ANGPT2: variants seen among roughly 807,000 people sequenced by gnomAD.
ANGPT2 encodes angiopoietin-2.
ANGPT2 carries 28 observed loss-of-function variants against 62.9 expected under a neutral mutation model. The ratio of observed to expected loss-of-function variants is 0.44; its 90% confidence interval spans 0.33 to 0.61. The LOEUF (loss-of-function observed/expected upper bound fraction) is 0.61. Among genes scored for constraint, ANGPT2 ranks in the 20% least tolerant of loss-of-function variants. The pLI, the probability that ANGPT2 is intolerant of heterozygous loss-of-function variation, is 0.03. For missense variants in ANGPT2, 727 were observed against 594.9 expected (o/e 1.22, Z -2.31); for synonymous variants, 284 against 207.8 (o/e 1.37, Z -3.15).
chr8:6,558,904 C>T (rs79166777), intron 1 of ANGPT2, among the ~76,000 whole-genome samples: 4,592 of 151,972 alleles, frequency 0.03, 168 homozygotes, highest in African/African-American at 0.087. Context: ...ATATACATAT[C>T]GCATAAGAGA....
intron 2 of ANGPT2, among the ~76,000 whole-genome samples, chr8:6,528,652 C>T (rs545658131): frequency 3.9e-5 from 6 of 152,374 alleles, no homozygotes; most frequent in East Asian, 1.9e-4. Flanking sequence ...GATTCTCTAG[C>T]GCCTGGTTGC....
intron 2 of ANGPT2, among the ~76,000 whole-genome samples, chr8:6,530,236 G>T (rs562912569): frequency 6.6e-6 from 1 of 152,098 alleles, no homozygotes; most frequent in African/African-American, 2.4e-5. Flanking sequence ...GGCCAGGTAC[G>T]GTGGCTCACG....
intron 1 of ANGPT2, among the ~76,000 whole-genome samples, chr8:6,556,670 A>G (rs1824666933): frequency 6.6e-6 from 1 of 151,784 alleles, no homozygotes; most frequent in African/African-American, 2.4e-5. Context: ...CTGGAGCGCA[A>G]TGGCACCATC....
At chr8:6,511,514 T>A (rs2922906) in intron 7 of ANGPT2, among the ~76,000 whole-genome samples, 54,813 of 152,030 alleles carry the variant, frequency 0.36, 10,106 homozygotes, top group Middle Eastern at 0.48. Flanking sequence ...TAACATGTAT[T>A]TTCCAGTTTT....
intron 1 of ANGPT2, among the ~76,000 whole-genome samples, chr8:6,548,129 A>C (rs1474041196): frequency 6.6e-6 from 1 of 152,164 alleles, no homozygotes; most frequent in African/African-American, 2.4e-5. Flanking sequence ...TTTGGGATTC[A>C]AATTATGAGT....
chr8:6,514,415 C>T (rs1052156004), intron 6 of ANGPT2, among the ~76,000 whole-genome samples: 31 of 152,136 alleles, frequency 2.0e-4, no homozygotes, highest in African/African-American at 7.0e-4. Flanking sequence ...TCTCAAACTC[C>T]TGACCTCAGG....
At chr8:6,509,338 C>T (rs920147438) in intron 7 of ANGPT2, among the ~76,000 whole-genome samples, 1 of 152,204 alleles carries the variant, frequency 6.6e-6, no homozygotes, top group African/African-American at 2.4e-5. Flanking sequence ...ATTTATTTTC[C>T]TGCTGCTTTC....
intron 1 of ANGPT2, among the ~76,000 whole-genome samples, chr8:6,557,476 T>C (rs1824824516): frequency 6.6e-6 from 1 of 152,136 alleles, no homozygotes; most frequent in African/African-American, 2.4e-5. Flanking sequence ...TATATCAGAA[T>C]AATTCTAGAA....
At chr8:6,512,630 A>G (rs976707658) in intron 7 of ANGPT2, among the ~76,000 whole-genome samples, 5 of 152,106 alleles carry the variant, frequency 3.3e-5, no homozygotes, top group Admixed American at 2.0e-4. Flanking sequence ...GAGTGCCTCT[A>G]TGTGCCTTGT....
chr8:6,562,909 A>G lies in ANGPT2; in HGVS notation c.26T>C (p.Leu9Pro). Residue 9 changes from leucine to proline, a missense_variant, in exon 1 of 9, where the codon CTG (leucine) becomes CCG (proline). Coordinates refer to ENST00000629816, the MANE Select transcript of ANGPT2 (RefSeq NM_001118887.2). Reference protein sequence around the residue: MWQIVFFTLSCDLVLAAAY... With the variant: MWQIVFFTPSCDLVLAAAY... ...TGCGGCCAAGACAAGATCACAGCTC[A>G]GAGTAAAGAAAACAATCTGCCACAT... 6.3e-7 allele frequency: 1 copy of G among 1,595,660 alleles called. No homozygotes were observed. Among genetic ancestry groups the G allele is most frequent in the South Asian group, 1.1e-5 (1 of 90,324 alleles).
chr8:6,532,559 T>C, intron 1 of ANGPT2, 72 bp from the exon 2 acceptor site: 1 of 1,004,278 alleles, frequency 1.0e-6, no homozygotes, highest in Non-Finnish European at 1.4e-6. Context: ...ATGTTTGTCG[T>C]CTCCTCCCTA....
chr8:6,519,703 TG>T (rs770719979), intron 5 of ANGPT2, among the ~76,000 whole-genome samples, 160 bp downstream of exon 5: 2 of 152,248 alleles, frequency 1.3e-5, no homozygotes, highest in Non-Finnish European at 2.9e-5. Flanking sequence ...TTAGAGCCCT[TG>T]GCAAGCACTC....
rs1273386415 is a variant in ANGPT2 at position 6,521,046 on chromosome 8, A to G, written c.799+132T>C. On this transcript the variant is annotated intron_variant, in intron 4 of 8. Coordinates refer to ENST00000629816, the MANE Select transcript of ANGPT2 (RefSeq NM_001118887.2). ...TCCCCTTCTCTTCTTCCTTCATTTT[A>G]ATTGGTAGATATTTCATATGAAATA... 4.6e-6 allele frequency: 3 copies of G among 647,516 alleles called. No homozygotes were observed. In the East Asian group the frequency reaches 8.2e-5, roughly 18 times the overall value. The allele number at this position is 647,516 out of a possible 1,614,324, so 40.1% of individuals were successfully genotyped here. A position where few individuals can be genotyped will look rare whatever the true frequency, so the allele number is the denominator to read the frequency against.
chr8:6,539,619 C>A (rs750175950), intron 1 of ANGPT2, among the ~76,000 whole-genome samples: 1 of 152,112 alleles, frequency 6.6e-6, no homozygotes, highest in Non-Finnish European at 1.5e-5. Flanking sequence ...TGGAGTCTCG[C>A]TCTGTCTCTC....
chr8:6,557,051 T>C (rs147562297), intron 1 of ANGPT2, among the ~76,000 whole-genome samples: 4 of 152,314 alleles, frequency 2.6e-5, no homozygotes, highest in African/African-American at 9.6e-5. Context: ...CGGGGTCATA[T>C]GGTGTTCACT....
intron 1 of ANGPT2, among the ~76,000 whole-genome samples, chr8:6,546,816 C>G (rs1822663046): frequency 6.6e-6 from 1 of 152,166 alleles, no homozygotes; most frequent in Admixed American, 6.5e-5. Flanking sequence ...ATTGTAATCT[C>G]TATGATTTGA....
chr8:6,549,689 C>G (rs1341327200), intron 1 of ANGPT2, among the ~76,000 whole-genome samples: 3 of 119,126 alleles, frequency 2.5e-5, no homozygotes, highest in Non-Finnish European at 3.4e-5. Flanking sequence ...CCTTCCGTAT[C>G]GAGCTGGGCG....
chr8:6,522,763 G>C (rs928547006), intron 3 of ANGPT2, among the ~76,000 whole-genome samples: 1 of 147,896 alleles, frequency 6.8e-6, no homozygotes, highest in Non-Finnish European at 1.5e-5. Flanking sequence ...AACAGAGCGA[G>C]ACATCGTCTC....
chr8:6,536,191 A>G (rs1820454064), intron 1 of ANGPT2, among the ~76,000 whole-genome samples: 7 of 152,190 alleles, frequency 4.6e-5, no homozygotes, highest in Admixed American at 4.6e-4. Flanking sequence ...AATACTGTAT[A>G]TTTAGCCCCA....
Sources: gnomAD v4.1 joint callset for allele counts (sites outside exome capture counted in the v4.1 genomes callset) on GRCh38, gnomAD v4.1.1 for gene constraint, MANE v1.5 for transcripts, NCBI Gene and HGNC (gene_info 2026-07-23, HGNC 2026-07-21) for gene names.